The following CLASP1 variants were observed in gnomAD, a reference collection of about 807,000 sequenced individuals.
CLASP1 encodes cytoplasmic linker associated protein 1, also known as CLIP-associating protein 1.
Under a neutral mutation model 192.3 loss-of-function variants are expected in CLASP1, and 38 were observed. The observed-to-expected ratio is 0.20, with a 90% confidence interval of 0.15 to 0.26. The LOEUF is 0.26. Ranked by LOEUF, CLASP1 falls within the 10% of genes least tolerant of loss-of-function variation. The pLI is 1.00. For synonymous variants in CLASP1, 691 were observed against 712.8 expected, an observed-to-expected ratio of 0.97 and a Z score of 0.49; for missense variants, 1,433 against 1,932.5, an observed-to-expected ratio of 0.74 and a Z score of 4.85.
chr2:121,393,185 C>A (rs1208336263), intron 30 of CLASP1, among the ~76,000 whole-genome samples: 2 of 152,106 alleles, frequency 1.3e-5, no homozygotes, highest in Non-Finnish European at 2.9e-5. Context: ...ATAAAATATT[C>A]TCCAGAGATG....
At chr2:121,531,094 T>TGCACAAGACGCGTGGTTTTAGTGTC (rs1443729634) in intron 2 of CLASP1, 51 of 654,066 alleles carry the variant, frequency 7.8e-5, no homozygotes, top group Non-Finnish European at 9.9e-5. Flanking sequence ...CAGTAGAGGG[T>TGCACAAGACGCGTGGTTTTAGTGTC]GCACAAGACG....
Position 121,531,001 on chromosome 2 carries a change from T to C in CLASP1, c.196-676A>G, listed in dbSNP as rs576987062. 4 of 700,274 alleles carry C rather than the reference T, an allele frequency of 5.7e-6. No individual in the cohort carries two copies. Among genetic ancestry groups the C allele is most frequent in the South Asian group, 3.0e-5 (2 of 67,500 alleles). 43.4% of individuals were successfully genotyped at this position (700,274 alleles called of 1,614,324 possible). The stretch of plus-strand genomic sequence containing the variant: ...TTTTGCTTTATTTTGGTGCAATTTT[T>C]GGAAAAATGAAAACCTGTTTTCATA... On this transcript the variant is annotated intron_variant, in intron 2 of 39. Transcript: ENST00000263710.
intron 2 of CLASP1, among the ~76,000 whole-genome samples, chr2:121,549,300 C>A (rs1269771758): frequency 6.6e-6 from 1 of 152,062 alleles, no homozygotes; most frequent in African/African-American, 2.4e-5. Context: ...TAATTTCAGA[C>A]AAAGAGACTT....
At chr2:121,478,275 G>T (rs1377797579) in intron 8 of CLASP1, among the ~76,000 whole-genome samples, 1 of 152,052 alleles carries the variant, frequency 6.6e-6, no homozygotes, top group Admixed American at 6.6e-5. Flanking sequence ...ACTACAAGCA[G>T]GGATTAGAAG....
intron 22 of CLASP1, among the ~76,000 whole-genome samples, chr2:121,423,679 A>G (rs2079907748): frequency 6.6e-6 from 1 of 152,228 alleles, no homozygotes; most frequent in African/African-American, 2.4e-5. Flanking sequence ...TAAAATTCAG[A>G]TATTCCAGCT....
chr2:121,469,782 G>T, intron 9 of CLASP1, 26 bp downstream of exon 9: 1 of 1,591,378 alleles, frequency 6.3e-7, no homozygotes, highest in Non-Finnish European at 8.5e-7. Flanking sequence ...GCTGACCCCA[G>T]AACGCCACAC....
At chr2:121,542,995 T>A (rs536348361) in intron 2 of CLASP1, among the ~76,000 whole-genome samples, 11 of 152,342 alleles carry the variant, frequency 7.2e-5, no homozygotes, top group African/African-American at 2.6e-4. Context: ...AACGGTGATG[T>A]CCAATGCAGT....
intron 1 of CLASP1, among the ~76,000 whole-genome samples, chr2:121,610,857 G>A (rs867415087): frequency 4.3e-4 from 61 of 142,754 alleles, no homozygotes; most frequent in African/African-American, 1.4e-3. Context: ...AGGAGGAGGA[G>A]GAGTTACAGG....
chr2:121,394,568 T>C (rs906723599), intron 30 of CLASP1, among the ~76,000 whole-genome samples: 1 of 152,208 alleles, frequency 6.6e-6, no homozygotes, highest in Non-Finnish European at 1.5e-5. Flanking sequence ...ATGTTATGTG[T>C]CTAGGTGTGA....
intron 33 of CLASP1, among the ~76,000 whole-genome samples, chr2:121,380,098 A>T (rs912120128): frequency 1.3e-5 from 2 of 152,176 alleles, no homozygotes; most frequent in African/African-American, 4.8e-5. Flanking sequence ...AGACCATGCT[A>T]CTTTCTTTGC....
intron 1 of CLASP1, among the ~76,000 whole-genome samples, chr2:121,610,997 AGGAGTT>A (rs2065329052): frequency 2.7e-5 from 4 of 145,596 alleles, no homozygotes; most frequent in East Asian, 2.1e-4. Context: ...CTGGAGGAGG[AGGAGTT>A]GGAGGAGTTA....
chr2:121,554,368 T>C (rs949731375), intron 2 of CLASP1, among the ~76,000 whole-genome samples: 7 of 150,558 alleles, frequency 4.6e-5, no homozygotes, highest in African/African-American at 1.5e-4. Context: ...CCTAACACTT[T>C]GGAAGGCCAA....
chr2:121,446,219 C>A (rs1341124620), intron 19 of CLASP1, among the ~76,000 whole-genome samples: 1 of 152,224 alleles, frequency 6.6e-6, no homozygotes, highest in Non-Finnish European at 1.5e-5. Flanking sequence ...CACAATCACA[C>A]TTTCTTCCAC....
intron 2 of CLASP1, among the ~76,000 whole-genome samples, chr2:121,601,540 G>A (rs986166573): frequency 6.6e-6 from 1 of 152,274 alleles, no homozygotes. Flanking sequence ...AAAGTGCTGG[G>A]ATTACAGGCA....
chr2:121,444,433 T>C (rs2083950809), intron 19 of CLASP1, among the ~76,000 whole-genome samples: 1 of 152,094 alleles, frequency 6.6e-6, no homozygotes, highest in South Asian at 2.1e-4. Flanking sequence ...GAGAGAAAAA[T>C]ATATTTTTTT....
At chr2:121,446,807 C>T (rs940409638) in intron 19 of CLASP1, among the ~76,000 whole-genome samples, 1 of 152,206 alleles carries the variant, frequency 6.6e-6, no homozygotes, top group Non-Finnish European at 1.5e-5. Flanking sequence ...CACTCTTTTG[C>T]ACAGACATGG....
At chr2:121,486,939 C>G (rs1314090155) in intron 8 of CLASP1, among the ~76,000 whole-genome samples, 11 of 152,192 alleles carry the variant, frequency 7.2e-5, no homozygotes, top group Non-Finnish European at 1.6e-4. Flanking sequence ...AAGTCTACTC[C>G]AAGATACAAA....
intron 1 of CLASP1, among the ~76,000 whole-genome samples, chr2:121,616,651 G>C (rs2066513284): frequency 6.6e-6 from 1 of 152,142 alleles, no homozygotes; most frequent in Non-Finnish European, 1.5e-5. Flanking sequence ...TTCTGTATTA[G>C]GATGATTTCT....
At chr2:121,478,848 C>CACCA (rs1559368241) in intron 8 of CLASP1, among the ~76,000 whole-genome samples, 15 of 26,388 alleles carry the variant, frequency 5.7e-4, no homozygotes, top group African/African-American at 1.1e-3. Flanking sequence ...CACACACACA[C>CACCA]CACACACCAC....
Sources: gnomAD v4.1 joint callset for allele counts (sites outside exome capture counted in the v4.1 genomes callset) on GRCh38, gnomAD v4.1.1 for gene constraint, MANE v1.5 for transcripts, NCBI Gene and HGNC (gene_info 2026-07-23, HGNC 2026-07-21) for gene names.